Variants in NETO1 observed in about 807,000 individuals in gnomAD.
The protein encoded by NETO1 is neuropilin and tolloid-like protein 1.
Under a neutral mutation model 61.3 loss-of-function variants are expected in NETO1, and 26 were observed. That is an observed-to-expected ratio of 0.42 (90% CI 0.31 to 0.59). NETO1 has a LOEUF of 0.59. NETO1 is among the 20% of genes least tolerant of loss of function. The probability of loss-of-function intolerance (pLI) is 0.12; values close to 1 mark genes in which losing one functional copy is unlikely to be tolerated. For missense variants in NETO1, 531 were observed against 662.8 expected (o/e 0.80, Z 2.18); for synonymous variants, 225 against 225.8 (o/e 1.00, Z 0.03).
At chr18:72,771,119 A>G (rs2071339084) in intron 7 of NETO1, among the ~76,000 whole-genome samples, 1 of 152,164 alleles carries the variant, frequency 6.6e-6, no homozygotes, top group South Asian at 2.1e-4. Flanking sequence ...TGACAATTTT[A>G]CTTAGTTATT....
At chr18:72,794,273 C>G in intron 5 of NETO1, 29 bp from the exon 6 acceptor site, 1 of 1,613,952 alleles carries the variant, frequency 6.2e-7, no homozygotes, top group African/African-American at 1.3e-5. Flanking sequence ...AACAAACACA[C>G]AAAAACGGAG....
downstream of NETO1, among the ~76,000 whole-genome samples, chr18:72,743,583 G>A (rs537900877): frequency 8.5e-5 from 13 of 152,262 alleles, no homozygotes; most frequent in South Asian, 2.5e-3. Flanking sequence ...GCTCCTGTAA[G>A]CAGTCTGCCT....
At chr18:72,777,660 G>T (rs899553296) in intron 7 of NETO1, among the ~76,000 whole-genome samples, 1 of 149,804 alleles carries the variant, frequency 6.7e-6, no homozygotes, top group Non-Finnish European at 1.5e-5. Flanking sequence ...GGAGAATGGC[G>T]TGAACCCGGG....
intron 4 of NETO1, among the ~76,000 whole-genome samples, chr18:72,828,111 G>A (rs922562684): frequency 3.3e-5 from 5 of 152,110 alleles, no homozygotes; most frequent in African/African-American, 1.2e-4. Flanking sequence ...TCAGGAGTTC[G>A]AGACCAGCCA....
chr18:72,834,376 G>A (rs2073675985), intron 4 of NETO1: 4 of 933,620 alleles, frequency 4.3e-6, no homozygotes, highest in Admixed American at 1.2e-4. Context: ...TAAAGGTTTA[G>A]AAACCAGATA....
At chr18:72,765,317 C>G (rs766665267) in intron 7 of NETO1, among the ~76,000 whole-genome samples, 5 of 152,214 alleles carry the variant, frequency 3.3e-5, no homozygotes, top group Non-Finnish European at 7.3e-5. Flanking sequence ...GTTAACTTAT[C>G]TGTGCCTTGT....
intron 4 of NETO1, among the ~76,000 whole-genome samples, chr18:72,839,736 G>C (rs1300062241): frequency 6.6e-6 from 1 of 152,176 alleles, no homozygotes; most frequent in Non-Finnish European, 1.5e-5. Flanking sequence ...GAAAGGAACA[G>C]AAAAATGGGA....
intron 4 of NETO1, among the ~76,000 whole-genome samples, chr18:72,808,419 T>TTGTGTGTGTGTGTGTGTG (rs368047239): frequency 4.4e-4 from 63 of 141,926 alleles, no homozygotes; most frequent in Non-Finnish European, 7.2e-4. Context: ...CACTGCAGAT[T>TTGTGTGTGTGTGTGTGTG]TGTGTGTGTG....
At chr18:72,857,543 T>C (rs531787131) in intron 4 of NETO1, among the ~76,000 whole-genome samples, 1 of 152,286 alleles carries the variant, frequency 6.6e-6, no homozygotes, top group African/African-American at 2.4e-5. Flanking sequence ...TTATGAAACC[T>C]AGAACATGCC....
intron 7 of NETO1, among the ~76,000 whole-genome samples, chr18:72,770,267 A>AT (rs2071311047): frequency 6.6e-6 from 1 of 151,984 alleles, no homozygotes; most frequent in Admixed American, 6.6e-5. Flanking sequence ...TATAATCATT[A>AT]TTTTTTATAA....
chr18:72,835,113 C>A, intron 4 of NETO1: 1 of 1,183,568 alleles, frequency 8.4e-7, no homozygotes, highest in Non-Finnish European at 1.1e-6. Flanking sequence ...TTTACTAAGT[C>A]CGAATATGTG....
Position 72,746,403 on chromosome 18 carries a change from T to C in NETO1, c.*1776A>G, listed in dbSNP as rs1384092594. On this transcript the variant is annotated 3_prime_UTR_variant, in exon 11 of 11. Coordinates refer to ENST00000327305, the MANE Select transcript of NETO1 (RefSeq NM_138966.5). The stretch of plus-strand genomic sequence containing the variant: ...TACATTTTATCATAAGCAATGTGTA[T>C]AAAACTATGTAGCATAACAATGAAA... Among the ~76,000 whole-genome samples, 1 of 152,112 alleles carries C rather than the reference T, an allele frequency of 6.6e-6. No homozygotes were observed. Among genetic ancestry groups the C allele is most frequent in the Non-Finnish European group, 1.5e-5 (1 of 68,000 alleles).
At chr18:72,858,748 G>A in intron 4 of NETO1, 78 bp downstream of exon 4, 1 of 1,343,116 alleles carries the variant, frequency 7.4e-7, no homozygotes, top group Non-Finnish European at 1.0e-6. Context: ...GTATAATGTT[G>A]TCTTACACAA....
intron 4 of NETO1, among the ~76,000 whole-genome samples, chr18:72,853,757 A>AT (rs1469249270): frequency 6.6e-6 from 1 of 151,706 alleles, no homozygotes; most frequent in East Asian, 1.9e-4. Context: ...ATGTCAAAAA[A>AT]AAAAAAAAGA....
intron 3 of NETO1, among the ~76,000 whole-genome samples, chr18:72,860,091 A>G (rs1201155271): frequency 1.3e-5 from 2 of 152,220 alleles, no homozygotes; most frequent in Non-Finnish European, 2.9e-5. Context: ...TGGTACGTCC[A>G]AAACAGTCCA....
intron 4 of NETO1, among the ~76,000 whole-genome samples, chr18:72,848,289 C>T (rs908189611): frequency 6.6e-6 from 1 of 152,134 alleles, no homozygotes; most frequent in Non-Finnish European, 1.5e-5. Flanking sequence ...ATCAACCCCA[C>T]AGATGAAATA....
intron 7 of NETO1, among the ~76,000 whole-genome samples, chr18:72,764,367 T>C (rs2071082163): frequency 6.6e-6 from 1 of 152,164 alleles, no homozygotes; most frequent in Non-Finnish European, 1.5e-5. Flanking sequence ...TATAGTTAGG[T>C]CATGAATTCA....
At chr18:72,775,814 A>C (rs1599147954) in intron 7 of NETO1, among the ~76,000 whole-genome samples, 1 of 152,232 alleles carries the variant, frequency 6.6e-6, no homozygotes, top group Admixed American at 6.5e-5. Context: ...CATGGGGTTA[A>C]GTATGTGTGG....
chr18:72,750,242 A>C lies in NETO1; in HGVS notation c.1361T>G (p.Ile454Ser), dbSNP rs1434387270. The change falls in exon 9 of 11, where the codon ATC becomes AGC. Residue 454 changes from isoleucine (I) to serine (S), a missense_variant. Transcript: ENST00000327305. ...TGGCTGTGTGGGCATCTCTGTCAAG[A>C]TAGAAGCATCTCTTGTGCTGAGGTT... ...RSNLSTRDAS[I>S]LTEMPTQPGK... The C allele has an allele frequency of 6.2e-7, 1 of 1,614,076 alleles. No individual in the cohort carries two copies. Among genetic ancestry groups the C allele is most frequent in the South Asian group, 1.1e-5 (1 of 91,080 alleles).
Sources: gnomAD v4.1 joint callset for allele counts (sites outside exome capture counted in the v4.1 genomes callset) on GRCh38, gnomAD v4.1.1 for gene constraint, MANE v1.5 for transcripts, NCBI Gene and HGNC (gene_info 2026-07-23, HGNC 2026-07-21) for gene names.